TMOD3: variants seen among roughly 807,000 people sequenced by gnomAD.
The protein encoded by TMOD3 is tropomodulin 3.
A neutral mutation model predicts 39.2 loss-of-function variants in TMOD3; 20 were observed. That is an observed-to-expected ratio of 0.51 (90% CI 0.36 to 0.74). The LOEUF (loss-of-function observed/expected upper bound fraction) is 0.74, where lower values mean the gene tolerates loss of function less well. TMOD3 is among the 30% of genes least tolerant of loss of function. The probability of loss-of-function intolerance (pLI) is 0.00; values close to 1 mark genes in which losing one functional copy is unlikely to be tolerated. For missense variants in TMOD3, 381 were observed against 412.8 expected (o/e 0.92, Z 0.67); for synonymous variants, 143 against 145.8 (o/e 0.98, Z 0.14).
chr15:51,908,663 C>A, intron 9 of TMOD3, 113 bp from the exon 10 acceptor site: 140 of 550,410 alleles, frequency 2.5e-4, no homozygotes, highest in Middle Eastern at 9.4e-4. Flanking sequence ...ATGGACATTT[C>A]AATTTTGTAA....
chr15:51,855,728 G>T (rs2141678722), intron 1 of TMOD3, among the ~76,000 whole-genome samples: 1 of 152,290 alleles, frequency 6.6e-6, no homozygotes, highest in South Asian at 2.1e-4. Flanking sequence ...TTCAGAATTT[G>T]TTCCTCTTCT....
intron 8 of TMOD3, among the ~76,000 whole-genome samples, chr15:51,900,637 C>G (rs995244277): frequency 6.6e-6 from 1 of 152,020 alleles, no homozygotes; most frequent in African/African-American, 2.4e-5. Context: ...TTGTAAAAGG[C>G]AGAGAGATAC....
At chr15:51,865,801 G>A (rs2056442367) in intron 2 of TMOD3, among the ~76,000 whole-genome samples, 1 of 152,078 alleles carries the variant, frequency 6.6e-6, no homozygotes. Flanking sequence ...TAGGTCGAAG[G>A]TGTGTGTGGT....
rs576677659 is a variant in TMOD3 at position 51,858,559 on chromosome 15, C to CATTT, written c.-74-4251_-74-4248dup. On this transcript the variant is annotated intron_variant, in intron 1 of 9. Coordinates refer to ENST00000308580, the MANE Select transcript of TMOD3 (RefSeq NM_014547.5). ...AGTATCTGCATAAGCAAATTCTGTTCATTTGCTTGTGTTTTTTTTCCCCTG... is the reference window on the plus strand; with the variant it reads ...AGTATCTGCATAAGCAAATTCTGTTCATTTATTTGCTTGTGTTTTTTTTCCCCTG... 7.2e-5 allele frequency among the ~76,000 whole-genome samples: 11 copies of CATTT among 152,168 alleles called. No individual in the cohort carries two copies. The South Asian group carries it at 2.3e-3, about 32-fold the overall frequency.
At chr15:51,859,102 A>G (rs2056403163) in intron 1 of TMOD3, 2 of 545,778 alleles carry the variant, frequency 3.7e-6, no homozygotes, top group Non-Finnish European at 3.4e-6. Flanking sequence ...TCGATGAACA[A>G]ATTACAAAAA....
chr15:51,888,277 T>C (rs558995827), intron 4 of TMOD3, among the ~76,000 whole-genome samples: 15 of 152,230 alleles, frequency 9.9e-5, no homozygotes, highest in Non-Finnish European at 1.5e-4. Flanking sequence ...AAAAGTGTGA[T>C]GCATGGGGAG....
At chr15:51,889,188 AT>A in intron 5 of TMOD3, 43 bp downstream of exon 5, 2 of 1,374,192 alleles carry the variant, frequency 1.5e-6, no homozygotes, top group Non-Finnish European at 2.1e-6. Context: ...CCTTTATTAA[AT>A]ATATTTTGTT....
At chr15:51,901,621 C>A in intron 8 of TMOD3, 19 of 296,690 alleles carry the variant, frequency 6.4e-5, no homozygotes, top group Non-Finnish European at 1.0e-4. Flanking sequence ...GTATAAAGTT[C>A]CAGTGAGGCT....
chr15:51,908,900 GA>G lies in TMOD3; in HGVS notation c.*94del. 2 of 1,086,188 alleles carry G rather than the reference GA, an allele frequency of 1.8e-6. No individual in the cohort carries two copies. The highest frequency in any genetic ancestry group is 2.7e-5 in the East Asian group (1 of 37,682). 67.3% of individuals were successfully genotyped at this position (1,086,188 alleles called of 1,614,324 possible). On this transcript the variant is annotated 3_prime_UTR_variant, in exon 10 of 10. Transcript: ENST00000308580. ...ATGTAAAATTTTCCTGGGTAGAAGG[GA>G]AAAGACTGGAAAAATTTTTTTAGTG...
chr15:51,893,649 C>T (rs915848247), intron 5 of TMOD3, among the ~76,000 whole-genome samples, 166 bp from the exon 6 acceptor site: 19 of 152,028 alleles, frequency 1.2e-4, no homozygotes, highest in Non-Finnish European at 2.4e-4. Flanking sequence ...CCTGTAGTCC[C>T]AGCTACTCAG....
intron 3 of TMOD3, among the ~76,000 whole-genome samples, chr15:51,871,446 T>C (rs555338819): frequency 1.3e-5 from 2 of 152,172 alleles, no homozygotes; most frequent in African/African-American, 4.8e-5. Flanking sequence ...GGGTATAATT[T>C]GGAAAGGAAT....
chr15:51,896,637 C>G, intron 7 of TMOD3, 111 bp downstream of exon 7: 1 of 733,614 alleles, frequency 1.4e-6, no homozygotes, highest in South Asian at 2.0e-5. Flanking sequence ...TTTTAGCTCA[C>G]TATTAGGCAG....
chr15:51,898,146 A>G (rs1431712186), intron 7 of TMOD3, among the ~76,000 whole-genome samples: 1 of 152,254 alleles, frequency 6.6e-6, no homozygotes, highest in African/African-American at 2.4e-5. Context: ...AAGGCTTCAC[A>G]TGAGTGGACT....
rs570545338 is a variant in TMOD3 at position 51,864,974 on chromosome 15, C to G, written c.126+1964C>G. Among the ~76,000 whole-genome samples the G allele has an allele frequency of 2.0e-5, 3 of 152,136 alleles. No individual in the cohort carries two copies. The South Asian group carries it at 6.2e-4, about 32-fold the overall frequency. ...CCCAAGATGTCAAAGCATCATAAAACTCAGAAAATAAAAAACATGACTTTT... is the reference window on the plus strand; with the variant it reads ...CCCAAGATGTCAAAGCATCATAAAAGTCAGAAAATAAAAAACATGACTTTT... On this transcript the variant is annotated intron_variant, in intron 2 of 9. Coordinates refer to ENST00000308580, the MANE Select transcript of TMOD3 (RefSeq NM_014547.5).
intron 1 of TMOD3, among the ~76,000 whole-genome samples, chr15:51,843,938 G>A (rs551992176): frequency 3.3e-4 from 49 of 150,700 alleles, no homozygotes; most frequent in Admixed American, 2.0e-4. Context: ...ATGACTGTAT[G>A]ATGGCCGATG....
chr15:51,837,225 C>T (rs1255991204), intron 1 of TMOD3, among the ~76,000 whole-genome samples: 1 of 152,034 alleles, frequency 6.6e-6, no homozygotes, highest in East Asian at 1.9e-4. Context: ...TATTTTCATT[C>T]CCTGGGTGTG....
intron 7 of TMOD3, among the ~76,000 whole-genome samples, chr15:51,898,664 G>GT (rs1234716231): frequency 1.3e-5 from 2 of 152,314 alleles, no homozygotes; most frequent in Middle Eastern, 3.4e-3. Context: ...ACCAGCCACA[G>GT]TTTTTTTAGT....
intron 1 of TMOD3, among the ~76,000 whole-genome samples, chr15:51,853,920 A>T (rs187616996): frequency 3.9e-5 from 6 of 152,272 alleles, no homozygotes; most frequent in Non-Finnish European, 4.4e-5. Context: ...CTTGAAGAAT[A>T]TGTGAGGTTC....
chr15:51,832,203 TTATATATATATA>T lies in TMOD3; in HGVS notation c.-75+2385_-75+2396del, dbSNP rs3985812. Among the ~76,000 whole-genome samples, 20 of 79,334 alleles carry T rather than the reference TTATATATATATA, an allele frequency of 2.5e-4. 1 individual carries two copies. The highest frequency in any genetic ancestry group is 1.6e-3 in the South Asian group (4 of 2,484). 52.0% of individuals were successfully genotyped at this position (79,334 alleles called of 152,430 possible). A position where few individuals can be genotyped will look rare whatever the true frequency, so the allele number is the denominator to read the frequency against. On this transcript the variant is annotated intron_variant, in intron 1 of 9. Coordinates refer to ENST00000308580, the MANE Select transcript of TMOD3 (RefSeq NM_014547.5). ...TGTCTCTCTAAAAAAAGAAAAAAAA[TTATATATATATA>T]TATATATATATATATATGAATGACA...
Sources: allele counts gnomAD v4.1 joint callset (sites outside exome capture counted in the v4.1 genomes callset), GRCh38; gene constraint gnomAD v4.1.1; transcripts MANE v1.5; gene names NCBI Gene and HGNC (gene_info 2026-07-23, HGNC 2026-07-21).